The following ABCF1 variants were observed in gnomAD, a reference collection of about 807,000 sequenced individuals.
ABCF1 encodes the protein ATP binding cassette subfamily F member 1, also known as ATP-binding cassette sub-family F member 1.
Under a neutral mutation model 126.3 loss-of-function variants are expected in ABCF1, and 73 were observed. The ratio of observed to expected loss-of-function variants is 0.58; its 90% CI spans 0.48 to 0.70. The LOEUF (loss-of-function observed/expected upper bound fraction) is 0.70, where lower values mean the gene tolerates loss of function less well. ABCF1 is among the 30% of genes least tolerant of loss of function. The pLI is 0.00. For synonymous variants in ABCF1, 345 were observed against 396.4 expected (o/e 0.87, Z 1.54); for missense variants, 786 against 1,057.5 (o/e 0.74, Z 3.56).
At chr6:30,577,347 G>A (rs1002028728) in intron 1 of ABCF1, 62 bp from the exon 2 acceptor site, 1 of 1,523,608 alleles carries the variant, frequency 6.6e-7, no homozygotes, top group East Asian at 2.3e-5. Context: ...ATCTTTGCAG[G>A]GGGGATCAGA....
rs773263185 is a variant in ABCF1, at chr6:30,584,547, A to T, written c.1372A>T (p.Met458Leu). 2 of 1,605,762 alleles carry T rather than the reference A, an allele frequency of 1.2e-6. No homozygotes were observed. Among genetic ancestry groups the T allele is most frequent in the East Asian group, 4.5e-5 (2 of 44,762 alleles). Residue 458 changes from methionine (M) to leucine (L), a missense_variant, in exon 14 of 25, where the codon ATG (methionine) becomes TTG (leucine). Physicochemically the swap from Met to Leu is conservative, Grantham distance 15. Transcript: ENST00000326195. The surrounding 1 kb of genome is among the most constrained non-coding windows in gnomAD (Gnocchi z 4.6). ...PTQKFSGGWR[M>L]RVSLARALFM... ...ACAGAAGTTCTCAGGGGGCTGGCGC[A>T]TGCGTGTCTCCCTGGCCAGGTGGGC...
In ABCF1 at chr6:30,589,775, T is replaced by C. The variant is rs370349887; in HGVS notation, c.2065-31T>C. The C allele has an allele frequency of 6.8e-6, 11 of 1,614,152 alleles. No homozygotes were observed. In the East Asian group the frequency reaches 8.9e-5, roughly 13 times the overall value. On this transcript the variant is annotated intron_variant, in intron 21 of 24. Transcript: ENST00000326195. ...TAATCTGATGGAGGAAGTGTGACTT[T>C]AACCGACCACCTCCCTCTCTTCTCG...
intron 20 of ABCF1, among the ~76,000 whole-genome samples, chr6:30,588,191 G>A (rs532175549): frequency 2.0e-5 from 3 of 151,772 alleles, no homozygotes; most frequent in Admixed American, 6.6e-5. Context: ...GTGAGCCACC[G>A]CTCCCAGCTG....
chr6:30,591,245 A>G lies in ABCF1; in HGVS notation c.*544A>G, dbSNP rs1172057377. ...GTCTGGTTGAGGACTTGGGGCAGGA[A>G]AGGAATGCTGCTGAACTTGAATTTC... On this transcript the variant is annotated 3_prime_UTR_variant, in exon 25 of 25. Coordinates refer to ENST00000326195, the MANE Select transcript of ABCF1 (RefSeq NM_001025091.2). 6.5e-6 allele frequency: 1 copy of G among 153,122 alleles called. No homozygotes were observed. 9.5% of individuals were successfully genotyped at this position (153,122 alleles called of 1,614,324 possible). A position where few individuals can be genotyped will look rare whatever the true frequency, so the allele number is the denominator to read the frequency against.
At chr6:30,573,113 C>T (rs2269709) in intron 1 of ABCF1, among the ~76,000 whole-genome samples, 103,967 of 152,050 alleles carry the variant, frequency 0.68, 35,646 homozygotes, top group South Asian at 0.81. Flanking sequence ...AAGATGGAGG[C>T]GGGGAGACCA....
rs1439637675 is a variant in ABCF1, at chr6:30,583,155, C to A, written c.882C>A (p.Arg294=). 2.4e-5 allele frequency: 39 copies of A among 1,610,600 alleles called. No homozygotes were observed. In the Admixed American group the frequency reaches 6.5e-4, roughly 27 times the overall value. ...FSVSQAEMSS[R]QAMLENASDI... ...TGTCCCAGGCGGAGATGTCCTCCCG[C>A]CAAGCCATGTTAGAAAATGCATCTG... The change falls in exon 10 of 25, where the codon CGC becomes CGA. Residue 294 remains arginine (R), a synonymous_variant. Transcript: ENST00000326195. This position sits in a 1 kb window ranked among gnomAD's most constrained non-coding sequence, Gnocchi z 4.1.
Position 30,578,100 on chromosome 6 carries a change from A to G in ABCF1, c.241A>G (p.Lys81Glu), listed in dbSNP as rs944594089. 3 of 1,614,018 alleles carry G rather than the reference A, an allele frequency of 1.9e-6. No individual in the cohort carries two copies. The highest frequency in any genetic ancestry group is 1.3e-5 in the African/African-American group (1 of 74,914). Residue 81 changes from lysine to glutamate, a missense_variant, in exon 4 of 25, where the codon AAA (lysine) becomes GAA (glutamate). Lys to Glu is a moderately conservative substitution (Grantham distance 56). Around this residue, in one of 4 missense-constraint regions of ABCF1, gnomAD observed 322 missense variants for 322.9 expected, o/e 1.00. Coordinates refer to ENST00000326195, the MANE Select transcript of ABCF1 (RefSeq NM_001025091.2). ...QQQKKKRDTR[K>E]GRRKKDVDDD... The stretch of plus-strand genomic sequence containing the variant: ...GCAAAAAAAAAAGCGAGATACCCGA[A>G]AAGGCAGGCGGAAGAAGGATGTGGA...
rs773339448 is a variant in ABCF1, at chr6:30,578,485, G to A, written c.397G>A (p.Ala133Thr). Residue 133 changes from alanine to threonine, a missense_variant, in exon 6 of 25, where the codon GCA becomes ACA. Physicochemically the swap from Ala to Thr is moderately conservative, Grantham distance 58 (BLOSUM62 0). This residue lies in a region of ABCF1 where 322 missense variants were observed against 322.9 expected (regional missense o/e 1.00). Transcript: ENST00000326195. ...CATTCTCTAGGGTGGTAATGTTTTT[G>A]CAGCCCTGATTCAGGATCAGAGTGA... ...GKKTKGGNVF[A>T]ALIQDQSEEE... 1.2e-6 allele frequency: 2 copies of A among 1,614,002 alleles called. No individual in the cohort carries two copies. Among genetic ancestry groups the A allele is most frequent in the East Asian group, 4.5e-5 (2 of 44,884 alleles).
chr6:30,583,554 G>A lies in ABCF1; in HGVS notation c.916-54G>A. 1 of 1,584,284 alleles carries A rather than the reference G, an allele frequency of 6.3e-7. No homozygotes were observed. On this transcript the variant is annotated intron_variant, in intron 10 of 24. Coordinates refer to ENST00000326195, the MANE Select transcript of ABCF1 (RefSeq NM_001025091.2). The surrounding 1 kb of genome is among the most constrained non-coding windows in gnomAD (Gnocchi z 4.1). Reference sequence around the variant, plus strand: ...AGTGGCCGCTCCTGTCCCAAAGGGAGAATTTTCATGTGATCATCCCTTCCC... The same window carrying A: ...AGTGGCCGCTCCTGTCCCAAAGGGAAAATTTTCATGTGATCATCCCTTCCC...
intron 1 of ABCF1, among the ~76,000 whole-genome samples, chr6:30,571,850 A>G (rs776507660): frequency 4.6e-5 from 7 of 152,064 alleles, no homozygotes; most frequent in Non-Finnish European, 7.4e-5. Context: ...CCTTGCTTAA[A>G]AAATTTGGAC....
In ABCF1 at chr6:30,590,773, C is replaced by T. The variant is rs1004218988; in HGVS notation, c.*72C>T. 4.0e-6 allele frequency: 6 copies of T among 1,500,634 alleles called. No homozygotes were observed. The highest frequency in any genetic ancestry group is 8.9e-7 in the Non-Finnish European group (1 of 1,117,758). 93.0% of individuals were successfully genotyped at this position (1,500,634 alleles called of 1,614,324 possible). A position where few individuals can be genotyped will look rare whatever the true frequency, so the allele number is the denominator to read the frequency against. Reference sequence around the variant, plus strand: ...GAAGTCCTCTGTGGTCTCCCCTCCTCTGAAGACTGCCTCTGGCCTGCAGCT... The same window carrying T: ...GAAGTCCTCTGTGGTCTCCCCTCCTTTGAAGACTGCCTCTGGCCTGCAGCT... On this transcript the variant is annotated 3_prime_UTR_variant, in exon 25 of 25. Transcript: ENST00000326195.
chr6:30,584,226 T>A lies in ABCF1; in HGVS notation c.1137T>A (p.Ala379=). The A allele has an allele frequency of 6.2e-7, 1 of 1,612,934 alleles. No individual in the cohort carries two copies. ...CAGATGAGACACCAGCAGTCCAGGC[T>A]GTTCTTCGAGCTGACACCAAGCGAT... The part of the protein sequence containing the change: ...VVADETPAVQ[A]VLRADTKRLK... The change falls in exon 13 of 25, where the codon GCT becomes GCA. Residue 379 remains alanine (A), a synonymous_variant. Transcript: ENST00000326195. The surrounding 1 kb of genome is among the most constrained non-coding windows in gnomAD (Gnocchi z 4.6).
At chr6:30,582,918 C>T (rs532633613) in intron 9 of ABCF1, 148 bp from the exon 10 acceptor site, 1 of 1,094,626 alleles carries the variant, frequency 9.1e-7, no homozygotes, top group East Asian at 2.4e-5. Flanking sequence ...GTCTCAAACT[C>T]CTGAGCTCAA....
chr6:30,582,620 A>G, intron 9 of ABCF1, 113 bp downstream of exon 9: 1 of 1,073,012 alleles, frequency 9.3e-7, no homozygotes, highest in Non-Finnish European at 1.4e-6. Context: ...AAGTAAAACA[A>G]TCGGAGTAAG....
chr6:30,579,258 T>C (rs1801676927), intron 6 of ABCF1, among the ~76,000 whole-genome samples: 1 of 152,076 alleles, frequency 6.6e-6, no homozygotes, highest in Non-Finnish European at 1.5e-5. Flanking sequence ...ATCTCTTCGC[T>C]ATCTAGTCTG....
At position 30,584,586 on chromosome 6, in the gene ABCF1, G is replaced by T; in HGVS notation, c.1391+20G>T. On this transcript the variant is annotated intron_variant, in intron 14 of 24. Transcript: ENST00000326195. This position sits in a 1 kb window ranked among gnomAD's most constrained non-coding sequence, Gnocchi z 4.6. The stretch of plus-strand genomic sequence containing the variant: ...GGCCAGGTGGGCCATTCACCTCACT[G>T]CCCTCCCTTCCAGCCTCAGACCACC... 6.4e-7 allele frequency: 1 copy of T among 1,574,058 alleles called. No individual in the cohort carries two copies. Among genetic ancestry groups the T allele is most frequent in the Non-Finnish European group, 8.6e-7 (1 of 1,161,226 alleles).
At position 30,580,416 on chromosome 6, in the gene ABCF1, A is replaced by C. The variant is rs773318274; in HGVS notation, c.575A>C (p.Lys192Thr). ...KSKGKAKPQN[K>T]FAALDNEEED... is the part of the protein sequence containing the mutation. Reference sequence around the variant, plus strand: ...TCTTTTCCCTATTAGCCTCAAAATAAATTCGCTGCTCTGGACAATGAAGAG... The same window carrying C: ...TCTTTTCCCTATTAGCCTCAAAATACATTCGCTGCTCTGGACAATGAAGAG... The change falls in exon 8 of 25, where the codon AAA becomes ACA. Residue 192 changes from lysine to threonine, a missense_variant. By Grantham distance (78) the Lys-to-Thr change is moderately conservative. This residue lies in a region of ABCF1 where 322 missense variants were observed against 322.9 expected (regional missense o/e 1.00). Transcript: ENST00000326195. The C allele has an allele frequency of 6.5e-7, 1 of 1,539,852 alleles. No individual in the cohort carries two copies. The highest frequency in any genetic ancestry group is 2.4e-5 in the Admixed American group (1 of 41,060).
Position 30,583,025 on chromosome 6 carries a change from G to A in ABCF1, c.793-41G>A. ...GCTGTTTCATGGTGATGGGAAACTG[G>A]TAGACTGTGGCTTCAAATGTAGTTT... On this transcript the variant is annotated intron_variant, in intron 9 of 24. Transcript: ENST00000326195. The surrounding 1 kb of genome is among the most constrained non-coding windows in gnomAD (Gnocchi z 4.1). 1 of 1,587,910 alleles carries A rather than the reference G, an allele frequency of 6.3e-7. No homozygotes were observed. The highest frequency in any genetic ancestry group is 8.6e-7 in the Non-Finnish European group (1 of 1,160,984).
chr6:30,588,320 A>C (rs1802260830), intron 20 of ABCF1, among the ~76,000 whole-genome samples: 1 of 152,086 alleles, frequency 6.6e-6, no homozygotes, highest in South Asian at 2.1e-4. Context: ...GATTTTTCCA[A>C]ATATATCAAG....
Sources: gnomAD v4.1 joint callset for allele counts (sites outside exome capture counted in the v4.1 genomes callset) on GRCh38, gnomAD v4.1.1 for gene constraint, gnomAD v4.1.1 regional missense constraint, Gnocchi (gnomAD v3.1) non-coding constraint, MANE v1.5 for transcripts, NCBI Gene and HGNC (gene_info 2026-07-23, HGNC 2026-07-21) for gene names.